The following SLC25A21 variants were observed in gnomAD, a reference collection of about 807,000 sequenced individuals.
The protein encoded by SLC25A21 is mitochondrial 2-oxodicarboxylate carrier.
In SLC25A21, 47 loss-of-function variants were observed where a neutral mutation model predicts 43.8. The observed-to-expected ratio is 1.07, with a 90% confidence interval of 0.85 to 1.37. SLC25A21 has a LOEUF of 1.37. Ranked by LOEUF, SLC25A21 falls within the 40% of genes most tolerant of loss-of-function variation. SLC25A21 has a pLI of 0.00. For missense variants in SLC25A21, 352 were observed against 350.2 expected (o/e 1.00, Z -0.04); for synonymous variants, 131 against 121.3 (o/e 1.08, Z -0.52).
intron 1 of SLC25A21, among the ~76,000 whole-genome samples, chr14:37,139,216 T>C (rs1963531807): frequency 6.6e-6 from 1 of 152,126 alleles, no homozygotes; most frequent in Admixed American, 6.5e-5. Context: ...CTGTCTCCAA[T>C]ATATCACTGG....
intron 6 of SLC25A21, among the ~76,000 whole-genome samples, chr14:36,717,101 G>C (rs1884174167): frequency 6.6e-6 from 1 of 152,160 alleles, no homozygotes; most frequent in Non-Finnish European, 1.5e-5. Flanking sequence ...CTCCACCAAG[G>C]TAGGAAAATA....
intron 1 of SLC25A21, among the ~76,000 whole-genome samples, chr14:36,901,405 T>C (rs1891396136): frequency 1.3e-5 from 2 of 152,180 alleles, no homozygotes; most frequent in South Asian, 2.1e-4. Flanking sequence ...ATTCTGTATT[T>C]TGAGTTAATC....
intron 5 of SLC25A21, among the ~76,000 whole-genome samples, chr14:36,728,249 G>A (rs1594528915): frequency 6.6e-6 from 1 of 152,204 alleles, no homozygotes; most frequent in East Asian, 1.9e-4. Flanking sequence ...CAGTTGGCAT[G>A]CATTTGGTTA....
Position 36,899,707 on chromosome 14 carries a change from C to A in SLC25A21, c.71-24703G>T, listed in dbSNP as rs187638407. 2.1e-3 allele frequency among the ~76,000 whole-genome samples: 313 copies of A among 152,272 alleles called. 1 individual carries two copies. The highest frequency in any genetic ancestry group is 7.0e-3 in the African/African-American group (292 of 41,554). ...ACCATCATATAGTTATTAAAATGAG[C>A]AGAATCTAAAATGCCATTGTCTACA... On this transcript the variant is annotated intron_variant, in intron 1 of 9. Transcript: ENST00000331299.
At position 36,754,186 on chromosome 14, in the gene SLC25A21, A is replaced by T. The variant is rs562344151; in HGVS notation, c.204-19613T>A. Among the ~76,000 whole-genome samples, 3 of 152,310 alleles carry T rather than the reference A, an allele frequency of 2.0e-5. No individual in the cohort carries two copies. In the East Asian group the frequency reaches 5.8e-4, roughly 29 times the overall value. On this transcript the variant is annotated intron_variant, in intron 3 of 9. Coordinates refer to ENST00000331299, the MANE Select transcript of SLC25A21 (RefSeq NM_030631.4). Reference sequence around the variant, plus strand: ...ACATTTAAGTCAGGAGATGGAATAAAGCAGATAGCCCTTCATAATGTGGGT... The same window carrying T: ...ACATTTAAGTCAGGAGATGGAATAATGCAGATAGCCCTTCATAATGTGGGT...
intron 1 of SLC25A21, among the ~76,000 whole-genome samples, chr14:37,159,180 T>C (rs180892621): frequency 1.6e-3 from 235 of 150,338 alleles, no homozygotes; most frequent in Middle Eastern, 6.8e-3. Context: ...ACAGATTCAA[T>C]GCAATCCCTA....
intron 1 of SLC25A21, 37 bp downstream of exon 1, chr14:37,172,244 G>A (rs1369594402): frequency 1.9e-6 from 3 of 1,556,574 alleles, no homozygotes; most frequent in African/African-American, 1.4e-5. Flanking sequence ...TGGGGAAAGC[G>A]ACTAGCCTCC....
intron 1 of SLC25A21, among the ~76,000 whole-genome samples, chr14:37,130,456 A>C (rs1466888736): frequency 6.6e-6 from 1 of 152,172 alleles, no homozygotes; most frequent in African/African-American, 2.4e-5. Flanking sequence ...TTAACATGGA[A>C]ACTGGATCCA....
At chr14:36,946,914 T>G (rs2138656484) in intron 1 of SLC25A21, among the ~76,000 whole-genome samples, 1 of 152,354 alleles carries the variant, frequency 6.6e-6, no homozygotes, top group African/African-American at 2.4e-5. Flanking sequence ...ATTATAGTAT[T>G]TTTTCAGTCT....
chr14:36,932,861 C>T (rs995418960), intron 1 of SLC25A21, among the ~76,000 whole-genome samples: 10 of 151,818 alleles, frequency 6.6e-5, no homozygotes, highest in Non-Finnish European at 1.3e-4. Flanking sequence ...TATTTCGTGA[C>T]TCCATTTCTT....
At chr14:37,009,418 G>A (rs142327799) in intron 1 of SLC25A21, among the ~76,000 whole-genome samples, 10,849 of 152,040 alleles carry the variant, frequency 0.071, 424 homozygotes, top group Admixed American at 0.082. Flanking sequence ...CCTGGGAGGC[G>A]GAGGTTGCAG....
intron 3 of SLC25A21, among the ~76,000 whole-genome samples, chr14:36,768,933 CAA>C (rs3061623): frequency 1.6e-5 from 2 of 126,076 alleles, no homozygotes; most frequent in African/African-American, 2.8e-5. Context: ...CTGTCTCTAC[CAA>C]AAAAAAAAAA....
At position 37,171,841 on chromosome 14, in the gene SLC25A21, G is replaced by C. The variant is rs186269417; in HGVS notation, c.70+440C>G. On this transcript the variant is annotated intron_variant, in intron 1 of 9. Coordinates refer to ENST00000331299, the MANE Select transcript of SLC25A21 (RefSeq NM_030631.4). ...GCAATAAGAAGTCCTGTGGAGTCCTGTAAGTACTTTGATGAGGAATGCAGG... is the reference window on the plus strand; with the variant it reads ...GCAATAAGAAGTCCTGTGGAGTCCTCTAAGTACTTTGATGAGGAATGCAGG... 350 of 172,182 alleles carry C rather than the reference G, an allele frequency of 2.0e-3. 3 individuals are homozygous for C. The highest frequency in any genetic ancestry group is 7.9e-3 in the African/African-American group (334 of 42,222). The allele number at this position is 172,182 out of a possible 1,614,324, so 10.7% of individuals were successfully genotyped here.
At chr14:37,138,697 A>T (rs1277143217) in intron 1 of SLC25A21, among the ~76,000 whole-genome samples, 1 of 152,048 alleles carries the variant, frequency 6.6e-6, no homozygotes, top group African/African-American at 2.4e-5. Flanking sequence ...TTGAAATGTT[A>T]AATATTATTT....
intron 3 of SLC25A21, among the ~76,000 whole-genome samples, chr14:36,805,199 G>A (rs1594603391): frequency 3.3e-5 from 5 of 152,262 alleles, no homozygotes; most frequent in Admixed American, 3.3e-4. Flanking sequence ...CCTTGCTGAC[G>A]GGCTGACATC....
chr14:36,903,438 C>G (rs1891448426), intron 1 of SLC25A21, among the ~76,000 whole-genome samples: 1 of 151,374 alleles, frequency 6.6e-6, no homozygotes, highest in African/African-American at 2.4e-5. Context: ...ATGGTGAAAC[C>G]CCGTCTCTAC....
chr14:36,848,750 T>C (rs941536560), intron 2 of SLC25A21, among the ~76,000 whole-genome samples: 1 of 152,222 alleles, frequency 6.6e-6, no homozygotes, highest in Non-Finnish European at 1.5e-5. Flanking sequence ...ATGACTTATT[T>C]AATAATTGAT....
intron 1 of SLC25A21, among the ~76,000 whole-genome samples, chr14:37,075,068 T>C (rs1049052218): frequency 7.9e-5 from 12 of 152,178 alleles, no homozygotes; most frequent in Admixed American, 2.6e-4. Flanking sequence ...TGCAAATACT[T>C]CTCAAAGGAA....
At chr14:37,020,576 A>AT (rs949533953) in intron 1 of SLC25A21, among the ~76,000 whole-genome samples, 1 of 151,844 alleles carries the variant, frequency 6.6e-6, no homozygotes, top group East Asian at 1.9e-4. Context: ...TGTAAAATTG[A>AT]TTTTTTTCTT....
Sources: allele counts gnomAD v4.1 joint callset (sites outside exome capture counted in the v4.1 genomes callset), GRCh38; gene constraint gnomAD v4.1.1; transcripts MANE v1.5; gene names NCBI Gene and HGNC (gene_info 2026-07-23, HGNC 2026-07-21).